The following NTRK3 variants were observed in gnomAD, a reference collection of about 807,000 sequenced individuals.
The protein encoded by NTRK3 is NT-3 growth factor receptor.
A neutral mutation model predicts 91.7 loss-of-function variants in NTRK3; 24 were observed. The ratio of observed to expected loss-of-function variants is 0.26; its 90% CI spans 0.19 to 0.37. NTRK3 has a LOEUF of 0.37. Among genes scored for constraint, NTRK3 ranks in the 10% least tolerant of loss-of-function variants. NTRK3 has a pLI of 1.00. For synonymous variants in NTRK3, 483 were observed against 404.0 expected, an observed-to-expected ratio of 1.20 and a Z score of -2.34; for missense variants, 880 against 1,068.9, an observed-to-expected ratio of 0.82 and a Z score of 2.46.
chr15:88,021,699 G>A (rs1318918978), intron 14 of NTRK3, among the ~76,000 whole-genome samples: 2 of 152,162 alleles, frequency 1.3e-5, no homozygotes, highest in Non-Finnish European at 2.9e-5. Context: ...TTGGCTTCTT[G>A]GCTAAGATGT....
intron 17 of NTRK3, among the ~76,000 whole-genome samples, chr15:87,910,373 G>C (rs1214371996): frequency 6.6e-6 from 1 of 152,214 alleles, no homozygotes; most frequent in Non-Finnish European, 1.5e-5. Context: ...TGGTGATAAA[G>C]AGACAGGTTC....
rs148654331 is a variant in NTRK3 at position 88,047,036 on chromosome 15, C to A, written c.1397-13991G>T. On this transcript the variant is annotated intron_variant, in intron 13 of 18. Transcript: ENST00000394480. ...GCAGAGGCTCCATGGGCGAGGCTGA[C>A]AGCTGACACCCACAGGGCCATGTAC... Among the ~76,000 whole-genome samples, 328 of 152,316 alleles carry A rather than the reference C, an allele frequency of 2.2e-3. 2 individuals are homozygous for A. The highest frequency in any genetic ancestry group is 7.2e-3 in the African/African-American group (298 of 41,568).
At chr15:88,094,854 T>G (rs1269715905) in intron 13 of NTRK3, among the ~76,000 whole-genome samples, 2 of 152,226 alleles carry the variant, frequency 1.3e-5, no homozygotes, top group African/African-American at 2.4e-5. Flanking sequence ...TGCTGTCAAT[T>G]ATTATTATTG....
At chr15:88,151,256 T>TTGTGC (rs569275428) in intron 5 of NTRK3, among the ~76,000 whole-genome samples, 148 of 152,272 alleles carry the variant, frequency 9.7e-4, no homozygotes, top group African/African-American at 3.5e-3. Flanking sequence ...GCCATTAATT[T>TTGTGC]TGTGCTGCAA....
At chr15:88,174,989 C>T (rs544084841) in intron 5 of NTRK3, among the ~76,000 whole-genome samples, 1 of 152,310 alleles carries the variant, frequency 6.6e-6, no homozygotes, top group South Asian at 2.1e-4. Context: ...CAAAACTTTC[C>T]CTGTAATAAC....
intron 13 of NTRK3, among the ~76,000 whole-genome samples, chr15:88,120,304 A>G (rs955140408): frequency 6.6e-6 from 1 of 152,206 alleles, no homozygotes; most frequent in Non-Finnish European, 1.5e-5. Context: ...CTGTTTATGG[A>G]AAAAAATGTT....
At chr15:88,116,010 G>C (rs1422179084) in intron 13 of NTRK3, among the ~76,000 whole-genome samples, 1 of 152,200 alleles carries the variant, frequency 6.6e-6, no homozygotes, top group East Asian at 1.9e-4. Context: ...AGAGAGGAAT[G>C]ACTGTCACAG....
chr15:88,222,600 G>A lies in NTRK3; in HGVS notation c.248+33306C>T, dbSNP rs556046177. Among the ~76,000 whole-genome samples, 12 of 152,284 alleles carry A rather than the reference G, an allele frequency of 7.9e-5. No individual in the cohort carries two copies. In the South Asian group the frequency reaches 2.5e-3, roughly 32 times the overall value. On this transcript the variant is annotated intron_variant, in intron 3 of 18. Coordinates refer to ENST00000394480, the Ensembl canonical transcript of NTRK3. ...AACAGCCTGTGATTTCCATTCATAG[G>A]TGGGGAAACTGAGGCACATAGAGCT...
chr15:88,221,329 T>C (rs1037223322), intron 3 of NTRK3, among the ~76,000 whole-genome samples: 1 of 152,210 alleles, frequency 6.6e-6, no homozygotes, highest in Non-Finnish European at 1.5e-5. Context: ...CTTCACTTAA[T>C]ATTTCACCTT....
chr15:88,202,294 G>A (rs1001038927), intron 3 of NTRK3, among the ~76,000 whole-genome samples: 1 of 152,084 alleles, frequency 6.6e-6, no homozygotes, highest in African/African-American at 2.4e-5. Context: ...ACTTCCGTTC[G>A]ACATCTCCCC....
At chr15:88,044,862 T>C (rs2080029388) in intron 13 of NTRK3, among the ~76,000 whole-genome samples, 1 of 152,184 alleles carries the variant, frequency 6.6e-6, no homozygotes, top group African/African-American at 2.4e-5. Flanking sequence ...TTCCCTTTTA[T>C]TAGAAAATAT....
exon 17 of NTRK3, chr15:87,929,374 C>A (rs2068595138): frequency 6.2e-7 from 1 of 1,614,136 alleles, no homozygotes; most frequent in Non-Finnish European, 8.5e-7. Context: ...AGAGCCCCAG[C>A]TCACCCTTGG....
chr15:88,102,372 A>G (rs1457305521), intron 13 of NTRK3, among the ~76,000 whole-genome samples: 1 of 152,228 alleles, frequency 6.6e-6, no homozygotes, highest in Non-Finnish European at 1.5e-5. Context: ...AGGACAAAAG[A>G]AAAAGAAACT....
chr15:88,097,081 C>T (rs1161073003), intron 13 of NTRK3, among the ~76,000 whole-genome samples: 3 of 152,216 alleles, frequency 2.0e-5, no homozygotes, highest in African/African-American at 7.2e-5. Flanking sequence ...GGCCACTGAG[C>T]ACCTGAGACT....
At chr15:88,036,997 G>A (rs1288172025) in intron 13 of NTRK3, among the ~76,000 whole-genome samples, 5 of 152,136 alleles carry the variant, frequency 3.3e-5, no homozygotes, top group Admixed American at 1.3e-4. Context: ...CAAGAGCCTG[G>A]GATCTAAAAC....
At chr15:88,016,789 T>C (rs1361240506) in intron 14 of NTRK3, among the ~76,000 whole-genome samples, 1 of 152,194 alleles carries the variant, frequency 6.6e-6, no homozygotes, top group Admixed American at 6.5e-5. Context: ...ATTTCTTTAT[T>C]AGAGGAGAGT....
At chr15:87,967,972 T>G (rs2072931232) in intron 14 of NTRK3, among the ~76,000 whole-genome samples, 1 of 152,176 alleles carries the variant, frequency 6.6e-6, no homozygotes, top group South Asian at 2.1e-4. Context: ...CTTGTGCCTG[T>G]TTTCCTAGAA....
intron 14 of NTRK3, among the ~76,000 whole-genome samples, chr15:88,003,581 G>A (rs1460910776): frequency 2.0e-5 from 3 of 152,178 alleles, no homozygotes; most frequent in African/African-American, 7.2e-5. Flanking sequence ...ATGCAGAGCT[G>A]AGATTTGAGC....
At chr15:87,941,333 T>C (rs1321362606) in intron 14 of NTRK3, among the ~76,000 whole-genome samples, 4 of 152,194 alleles carry the variant, frequency 2.6e-5, no homozygotes, top group African/African-American at 2.4e-5. Context: ...ATCTGTAAAA[T>C]GGGATTAACA....
Sources: gnomAD v4.1 joint callset for allele counts (sites outside exome capture counted in the v4.1 genomes callset) on GRCh38, gnomAD v4.1.1 for gene constraint, MANE v1.5 for transcripts, NCBI Gene and HGNC (gene_info 2026-07-23, HGNC 2026-07-21) for gene names.